FER1L6: variants seen among roughly 807,000 people sequenced by gnomAD.
FER1L6 encodes fer-1 like family member 6.
A neutral mutation model predicts 219.2 loss-of-function variants in FER1L6; 177 were observed. The ratio of observed to expected loss-of-function variants is 0.81; its 90% confidence interval spans 0.71 to 0.91. The LOEUF is 0.91. FER1L6 is among the 40% of genes least tolerant of loss of function. The probability of loss-of-function intolerance (pLI) is 0.00; values close to 1 mark genes in which losing one functional copy is unlikely to be tolerated. For synonymous variants in FER1L6, 768 were observed against 824.3 expected (o/e 0.93, Z 1.17); for missense variants, 2,153 against 2,259.9 (o/e 0.95, Z 0.96).
chr8:123,907,137 T>A (rs1269760466), intron 1 of FER1L6, among the ~76,000 whole-genome samples: 1 of 152,206 alleles, frequency 6.6e-6, no homozygotes, highest in Non-Finnish European at 1.5e-5. Context: ...CCTAGATGAC[T>A]GTACTAGGAC....
chr8:124,093,749 G>T (rs908527828), intron 34 of FER1L6, among the ~76,000 whole-genome samples: 1 of 88,380 alleles, frequency 1.1e-5, no homozygotes, highest in African/African-American at 4.6e-5. Context: ...TGTAATTATT[G>T]CTATTGGGAG....
At chr8:124,030,894 C>T (rs547481574) in intron 18 of FER1L6, among the ~76,000 whole-genome samples, 54 of 152,216 alleles carry the variant, frequency 3.5e-4, no homozygotes, top group African/African-American at 1.2e-3. Flanking sequence ...CCTTTTGAGC[C>T]GGCTGTCTTG....
At chr8:123,857,788 CT>C (rs1415500594) in intron 1 of FER1L6, among the ~76,000 whole-genome samples, 2 of 152,172 alleles carry the variant, frequency 1.3e-5, no homozygotes, top group African/African-American at 4.8e-5. Flanking sequence ...TTCCACTGCC[CT>C]CTCTCCTCTT....
rs1031429103 is a variant in FER1L6, at chr8:124,060,302, C to T, written c.2985+12C>T. The T allele has an allele frequency of 1.4e-5, 22 of 1,612,396 alleles. No homozygotes were observed. Among genetic ancestry groups the T allele is most frequent in the Admixed American group, 5.0e-5 (3 of 60,018 alleles). Reference sequence around the variant, plus strand: ...AATACCGAGTGGAGGTACGGGTCAGCGGAGGAGCTGAGTTGTTCTTTGGCA... The same window carrying T: ...AATACCGAGTGGAGGTACGGGTCAGTGGAGGAGCTGAGTTGTTCTTTGGCA... On this transcript the variant is annotated intron_variant, in intron 23 of 40. Coordinates refer to ENST00000522917, the MANE Select transcript of FER1L6 (RefSeq NM_001039112.2).
At chr8:123,894,006 A>G (rs1253405856) in intron 1 of FER1L6, among the ~76,000 whole-genome samples, 1 of 152,224 alleles carries the variant, frequency 6.6e-6, no homozygotes, top group East Asian at 1.9e-4. Context: ...ATCATCAGCC[A>G]GATTTCCAGT....
intron 2 of FER1L6, among the ~76,000 whole-genome samples, chr8:123,958,698 T>TA (rs538523781): frequency 4.7e-5 from 6 of 127,818 alleles, no homozygotes; most frequent in East Asian, 2.2e-4. Context: ...AAAGTGCTAT[T>TA]AAAAAAAAAC....
intron 13 of FER1L6, among the ~76,000 whole-genome samples, 153 bp downstream of exon 13, chr8:124,003,500 G>A (rs556679260): frequency 7.8e-5 from 9 of 115,874 alleles, no homozygotes; most frequent in African/African-American, 3.0e-4. Context: ...GTCTTGCTTG[G>A]TCACCAGACT....
In FER1L6 at chr8:123,871,334, A is replaced by G. The variant is rs143336883; in HGVS notation, c.-8+19149A>G. On this transcript the variant is annotated intron_variant, in intron 1 of 40. Coordinates refer to ENST00000522917, the MANE Select transcript of FER1L6 (RefSeq NM_001039112.2). ...CACTCAGATCTTGGTTTCTAACACC[A>G]TTCTTCAATAAAAGAAACCAGAGCT... Among the ~76,000 whole-genome samples the G allele has an allele frequency of 6.6e-5, 10 of 152,276 alleles. No individual in the cohort carries two copies. The East Asian group carries it at 1.9e-3, about 29-fold the overall frequency.
chr8:123,970,231 C>A, intron 6 of FER1L6, 134 bp downstream of exon 6: 1 of 786,914 alleles, frequency 1.3e-6, no homozygotes, highest in Non-Finnish European at 2.2e-6. Context: ...TGAGTCTAAC[C>A]AACAGGCAGA....
chr8:123,922,975 C>A (rs553644669), intron 1 of FER1L6, among the ~76,000 whole-genome samples: 34 of 151,370 alleles, frequency 2.2e-4, no homozygotes, highest in Admixed American at 1.1e-3. Flanking sequence ...TTATACAGCC[C>A]CCCCCCAGAC....
At chr8:123,997,503 T>A (rs1157712923) in intron 12 of FER1L6, among the ~76,000 whole-genome samples, 1 of 152,168 alleles carries the variant, frequency 6.6e-6, no homozygotes, top group Non-Finnish European at 1.5e-5. Context: ...TTGGATTAAA[T>A]CTGCTTGGTG....
intron 2 of FER1L6, among the ~76,000 whole-genome samples, chr8:123,961,618 G>A (rs985009534): frequency 3.5e-4 from 54 of 152,148 alleles, no homozygotes; most frequent in African/African-American, 1.3e-3. Flanking sequence ...AAACTGAAAT[G>A]GTTAGCCAGA....
chr8:123,879,169 T>C (rs1817061506), intron 1 of FER1L6, among the ~76,000 whole-genome samples: 1 of 152,178 alleles, frequency 6.6e-6, no homozygotes, highest in Non-Finnish European at 1.5e-5. Context: ...CTGGGTGTGA[T>C]GGCGTGCTCC....
chr8:124,082,025 C>T (rs797010453), intron 32 of FER1L6, among the ~76,000 whole-genome samples: 6 of 152,328 alleles, frequency 3.9e-5, no homozygotes, highest in African/African-American at 1.4e-4. Context: ...TCCTCTCCAT[C>T]GTGCTGTCAC....
At chr8:124,046,621 A>C (rs1819751064) in intron 21 of FER1L6, 1 of 152,208 alleles carries the variant, frequency 6.6e-6, no homozygotes, top group African/African-American at 2.4e-5. Flanking sequence ...ATTAAGTAAA[A>C]CAGTAGTTCC....
chr8:124,103,330 G>T lies in FER1L6; in HGVS notation c.5289+21G>T, dbSNP rs767367389. The T allele has an allele frequency of 3.1e-5, 50 of 1,604,860 alleles. No homozygotes were observed. The East Asian group carries it at 3.6e-4, about 11-fold the overall frequency. On this transcript the variant is annotated intron_variant, in intron 39 of 40. Transcript: ENST00000522917. ...TCACAGTAAGTGACAGCTATGGGAG[G>T]TGGAGGAGATGGGGGAAGTTGGGGG... is the stretch of plus-strand genomic sequence containing the variant.
intron 1 of FER1L6, among the ~76,000 whole-genome samples, chr8:123,903,045 C>A (rs572538519): frequency 6.6e-6 from 1 of 152,114 alleles, no homozygotes; most frequent in South Asian, 2.1e-4. Context: ...ACTATCTTTC[C>A]TTCATATATG....
chr8:124,043,934 A>G (rs983531685), intron 20 of FER1L6, among the ~76,000 whole-genome samples: 6 of 152,250 alleles, frequency 3.9e-5, no homozygotes, highest in Non-Finnish European at 8.8e-5. Context: ...GCTATTGAGC[A>G]TCTGCTATGC....
intron 5 of FER1L6, among the ~76,000 whole-genome samples, chr8:123,969,002 A>G (rs1001900363): frequency 2.2e-4 from 33 of 152,130 alleles, no homozygotes; most frequent in African/African-American, 7.2e-4. Context: ...AGGACAAAAC[A>G]CCACTTCAGT....
Sources: allele counts gnomAD v4.1 joint callset (sites outside exome capture counted in the v4.1 genomes callset), GRCh38; gene constraint gnomAD v4.1.1; transcripts MANE v1.5; gene names NCBI Gene and HGNC (gene_info 2026-07-23, HGNC 2026-07-21).